LAMB3: variants seen among roughly 807,000 people sequenced by gnomAD.
LAMB3 encodes the protein laminin subunit beta 3, also known as laminin subunit beta-3.
In LAMB3, 104 loss-of-function variants were observed where a neutral mutation model predicts 140.3. That is an observed-to-expected ratio of 0.74 (90% confidence interval 0.63 to 0.87). LAMB3 has a LOEUF of 0.87. Ranked by LOEUF, LAMB3 falls within the 40% of genes least tolerant of loss-of-function variation. The pLI is 0.00. For synonymous variants in LAMB3, 592 were observed against 602.9 expected, an observed-to-expected ratio of 0.98 and a Z score of 0.26; for missense variants, 1,531 against 1,575.2, an observed-to-expected ratio of 0.97 and a Z score of 0.47.
Position 209,632,787 on chromosome 1 carries a change from C to G in LAMB3, c.629-11G>C. 1 of 1,612,914 alleles carries G rather than the reference C, an allele frequency of 6.2e-7. No homozygotes were observed. The highest frequency in any genetic ancestry group is 8.5e-7 in the Non-Finnish European group (1 of 1,178,896). On this transcript the variant is annotated splice_polypyrimidine_tract_variant and intron_variant, in intron 7 of 22. Transcript: ENST00000356082. ...TGATCTCCCCCACCTCTGAGAGGGC[C>G]AAACAGCAAGGAGGGAAGAGTTGGA...
At chr1:209,645,300 C>T (rs2076506438) in intron 3 of LAMB3, among the ~76,000 whole-genome samples, 1 of 152,130 alleles carries the variant, frequency 6.6e-6, no homozygotes. Context: ...TGATATGGTG[C>T]TTTTCTCAAG....
At chr1:209,650,429 C>T (rs373217745) in intron 2 of LAMB3, among the ~76,000 whole-genome samples, 9 of 152,276 alleles carry the variant, frequency 5.9e-5, no homozygotes, top group East Asian at 1.9e-4. Context: ...TGACAAGGTC[C>T]GCAGCTCTTT....
chr1:209,644,252 T>C (rs1226516007), intron 3 of LAMB3, among the ~76,000 whole-genome samples: 1 of 152,224 alleles, frequency 6.6e-6, no homozygotes, highest in African/African-American at 2.4e-5. Context: ...TTTTTCCTTA[T>C]CACGAAGTGA....
At chr1:209,617,769 G>A in intron 20 of LAMB3, 138 bp downstream of exon 20, 1 of 1,292,666 alleles carries the variant, frequency 7.7e-7, no homozygotes, top group Non-Finnish European at 1.1e-6. Flanking sequence ...AAGGCCCATA[G>A]CCTGCCCAAA....
intron 12 of LAMB3, 64 bp downstream of exon 12, chr1:209,627,319 G>T: frequency 7.4e-7 from 1 of 1,351,032 alleles, no homozygotes. Context: ...AGGGGCAGCA[G>T]AGAGGCTGGT....
chr1:209,622,947 C>G, intron 17 of LAMB3, 35 bp downstream of exon 17: 1 of 1,608,550 alleles, frequency 6.2e-7, no homozygotes, highest in Non-Finnish European at 8.5e-7. Context: ...TCTGCCTCCT[C>G]CTACCTGTGC....
Position 209,617,319 on chromosome 1 carries a change from T to C in LAMB3, c.3228+91A>G, listed in dbSNP as rs1488612391. On this transcript the variant is annotated intron_variant, in intron 21 of 22. Coordinates refer to ENST00000356082, the MANE Select transcript of LAMB3 (RefSeq NM_000228.3). ...TTCTGTTATTCTAAGCACTTTTGAG[T>C]TTGTGGTCTTATAAAGTGTGCAAAG... 6 of 1,380,220 alleles carry C rather than the reference T, an allele frequency of 4.3e-6. No homozygotes were observed. In the Admixed American group the frequency reaches 8.4e-5, roughly 19 times the overall value. 85.5% of individuals were successfully genotyped at this position (1,380,220 alleles called of 1,614,324 possible). A position where few individuals can be genotyped will look rare whatever the true frequency, so the allele number is the denominator to read the frequency against.
Position 209,618,626 on chromosome 1 carries a change from ACCT to A in LAMB3, c.2732_2734del (p.Glu911del). On this transcript the variant is annotated inframe_deletion, in exon 19 of 23. Transcript: ENST00000356082. ...CCACAGGGCCAGCACGGCCTCGCTG[ACCT>A]CCTGGATAGTGGCTGCATCAGTGTC... 6.2e-7 allele frequency: 1 copy of A among 1,613,842 alleles called. No individual in the cohort carries two copies. Among genetic ancestry groups the A allele is most frequent in the Non-Finnish European group, 8.5e-7 (1 of 1,180,006 alleles).
At chr1:209,644,497 A>G (rs1450356258) in intron 3 of LAMB3, among the ~76,000 whole-genome samples, 2 of 152,220 alleles carry the variant, frequency 1.3e-5, no homozygotes, top group African/African-American at 4.8e-5. Context: ...GCAGATTAGG[A>G]AAGTGATAAG....
Position 209,623,409 on chromosome 1 carries a change from G to T in LAMB3, c.2358+96C>A, listed in dbSNP as rs1666283563. 7.9e-7 allele frequency: 1 copy of T among 1,271,124 alleles called. No homozygotes were observed. The highest frequency in any genetic ancestry group is 1.5e-5 in the African/African-American group (1 of 68,442). 78.7% of individuals were successfully genotyped at this position (1,271,124 alleles called of 1,614,324 possible). ...GCTGGGGGAGTGGGGTTCTCACAGG[G>T]GCAGATCTGCCCTAATAGGAAGCAG... On this transcript the variant is annotated intron_variant, in intron 16 of 22. Coordinates refer to ENST00000356082, the MANE Select transcript of LAMB3 (RefSeq NM_000228.3). The surrounding 1 kb of genome is among the most constrained non-coding windows in gnomAD (Gnocchi z 4.2).
At chr1:209,617,856 A>T (rs745782460) in intron 20 of LAMB3, 51 bp downstream of exon 20, 2 of 1,613,012 alleles carry the variant, frequency 1.2e-6, no homozygotes, top group Non-Finnish European at 1.7e-6. Flanking sequence ...CTGGTGCCCA[A>T]ATTTTCCTGT....
rs370824531 is a variant in LAMB3 at position 209,615,253 on chromosome 1, G to A, written c.*18C>T. The A allele has an allele frequency of 3.6e-5, 58 of 1,613,958 alleles. No individual in the cohort carries two copies. In the East Asian group the frequency reaches 6.7e-4, roughly 19 times the overall value. On this transcript the variant is annotated 3_prime_UTR_variant, in exon 23 of 23. Coordinates refer to ENST00000356082, the MANE Select transcript of LAMB3 (RefSeq NM_000228.3). ...AAAGGCGGCAGATGAGTGGGGCAAC[G>A]GGCTGGAAGCTGTAGCATCACTTGC...
rs769311478 is a variant in LAMB3 at position 209,617,780 on chromosome 1, G to T, written c.3051+127C>A. ...ATCCAAGGCCCATAGCCTGCCCAAA[G>T]CTTGTCACTCTCCTCTAGAACTCCA... On this transcript the variant is annotated intron_variant, in intron 20 of 22. Coordinates refer to ENST00000356082, the MANE Select transcript of LAMB3 (RefSeq NM_000228.3). 1,211 of 1,364,120 alleles carry T rather than the reference G, an allele frequency of 8.9e-4. 1 individual carries two copies. Among genetic ancestry groups the T allele is most frequent in the Non-Finnish European group, 1.2e-3 (1,122 of 962,850 alleles). 84.5% of individuals were successfully genotyped at this position (1,364,120 alleles called of 1,614,324 possible). A position where few individuals can be genotyped will look rare whatever the true frequency, so the allele number is the denominator to read the frequency against.
intron 3 of LAMB3, among the ~76,000 whole-genome samples, chr1:209,649,207 A>G (rs148668456): frequency 1.1e-4 from 17 of 152,350 alleles, no homozygotes; most frequent in Admixed American, 4.6e-4. Flanking sequence ...TCTTTCCCCA[A>G]AAGGCTACAG....
At chr1:209,633,620 C>T (rs111499106) in intron 6 of LAMB3, among the ~76,000 whole-genome samples, 2,619 of 152,114 alleles carry the variant, frequency 0.017, 68 homozygotes, top group African/African-American at 0.06. Context: ...CACATCAGCC[C>T]TCCACAAGTT....
chr1:209,636,592 T>C (rs1666901412), intron 5 of LAMB3, among the ~76,000 whole-genome samples: 1 of 152,184 alleles, frequency 6.6e-6, no homozygotes, highest in African/African-American at 2.4e-5. Flanking sequence ...TCCACATCCC[T>C]GCCTCTTGCC....
intron 5 of LAMB3, among the ~76,000 whole-genome samples, chr1:209,634,955 CTCCTCTCTCTG>C (rs1225907137): frequency 7.6e-5 from 11 of 144,434 alleles, no homozygotes; most frequent in African/African-American, 2.6e-4. Flanking sequence ...CTCTCTCTCT[CTCCTCTCTCTG>C]TCTCTCTCCT....
intron 18 of LAMB3, among the ~76,000 whole-genome samples, chr1:209,622,228 A>C (rs1382220248): frequency 6.6e-6 from 1 of 152,258 alleles, no homozygotes; most frequent in Non-Finnish European, 1.5e-5. Context: ...TTGAGAGCTC[A>C]TTCCAAGAAC....
chr1:209,630,971 C>A (rs533040835), intron 8 of LAMB3, among the ~76,000 whole-genome samples: 5 of 152,326 alleles, frequency 3.3e-5, no homozygotes, highest in African/African-American at 1.2e-4. Flanking sequence ...CCGCACTGCT[C>A]CCCTAGTGAG....
Sources: gnomAD v4.1 joint callset for allele counts (sites outside exome capture counted in the v4.1 genomes callset) on GRCh38, gnomAD v4.1.1 for gene constraint, Gnocchi (gnomAD v3.1) non-coding constraint, MANE v1.5 for transcripts, NCBI Gene and HGNC (gene_info 2026-07-23, HGNC 2026-07-21) for gene names.